SYCP1: variants seen among roughly 807,000 people sequenced by gnomAD.
SYCP1 encodes synaptonemal complex protein 1.
SYCP1 carries 64 observed loss-of-function variants against 153.1 expected under a neutral mutation model. The ratio of observed to expected loss-of-function variants is 0.42; its 90% CI spans 0.34 to 0.51. The LOEUF (loss-of-function observed/expected upper bound fraction) is 0.51, where lower values mean the gene tolerates loss of function less well. SYCP1 is among the 20% of genes least tolerant of loss of function. SYCP1 has a pLI of 0.06. For missense variants in SYCP1, 997 were observed against 1,049.0 expected (o/e 0.95, Z 0.68); for synonymous variants, 384 against 341.8 (o/e 1.12, Z -1.36).
At chr1:114,947,649 T>C (rs1471797829) in intron 27 of SYCP1, among the ~76,000 whole-genome samples, 3 of 151,210 alleles carry the variant, frequency 2.0e-5, no homozygotes, top group Admixed American at 6.6e-5. Flanking sequence ...CTGTCTCTAC[T>C]AAAAATACAA....
At chr1:114,914,650 C>T (rs566795841) in intron 20 of SYCP1, among the ~76,000 whole-genome samples, 8 of 152,256 alleles carry the variant, frequency 5.3e-5, no homozygotes, top group Middle Eastern at 3.4e-3. Context: ...GGCATGCTAG[C>T]GCTTGGCTCT....
intron 16 of SYCP1, among the ~76,000 whole-genome samples, chr1:114,901,404 G>A (rs1347987258): frequency 6.6e-6 from 1 of 152,200 alleles, no homozygotes; most frequent in Non-Finnish European, 1.5e-5. Flanking sequence ...GCCAACTTTA[G>A]TTGGGCCAAG....
At chr1:114,855,942 A>G (rs1335417246) in intron 2 of SYCP1, among the ~76,000 whole-genome samples, 1 of 152,206 alleles carries the variant, frequency 6.6e-6, no homozygotes, top group African/African-American at 2.4e-5. Flanking sequence ...ATGCCTATAT[A>G]TGAATAATAA....
intron 27 of SYCP1, among the ~76,000 whole-genome samples, chr1:114,970,393 T>C (rs1672403221): frequency 6.6e-6 from 1 of 152,214 alleles, no homozygotes; most frequent in Non-Finnish European, 1.5e-5. Flanking sequence ...ATAATCGACC[T>C]TCTGAATTCT....
At chr1:114,935,113 A>T (rs186706750) in intron 23 of SYCP1, among the ~76,000 whole-genome samples, 1 of 152,348 alleles carries the variant, frequency 6.6e-6, no homozygotes, top group Admixed American at 6.5e-5. Context: ...CATTATTTTC[A>T]GCACCACACA....
At chr1:114,923,278 T>A (rs181210375) in intron 20 of SYCP1, among the ~76,000 whole-genome samples, 171 bp from the exon 21 acceptor site, 1 of 152,322 alleles carries the variant, frequency 6.6e-6, no homozygotes, top group African/African-American at 2.4e-5. Flanking sequence ...CTAGATGAAT[T>A]CCACATATTT....
intron 10 of SYCP1, 25 bp downstream of exon 10, chr1:114,876,163 TTTTATATTACTGTTTTGCTA>T (rs764886327): frequency 6.8e-7 from 1 of 1,462,952 alleles, no homozygotes. Context: ...CTTACTTAAT[TTTTATATTACTGTTTTGCTA>T]TTTATATTTT....
At chr1:114,867,564 G>A (rs913227523) in intron 8 of SYCP1, among the ~76,000 whole-genome samples, 1 of 151,894 alleles carries the variant, frequency 6.6e-6, no homozygotes, top group African/African-American at 2.4e-5. Flanking sequence ...ATTCATTGCT[G>A]GTGTATAGGA....
chr1:114,988,586 A>G (rs1437465422), intron 30 of SYCP1, among the ~76,000 whole-genome samples: 3 of 152,004 alleles, frequency 2.0e-5, no homozygotes, highest in African/African-American at 7.2e-5. Flanking sequence ...ATGAAGAAGA[A>G]ATTGAGATAT....
Position 114,883,341 on chromosome 1 carries a change from A to G in SYCP1, c.911-2194A>G, listed in dbSNP as rs116067463. 7.8e-3 allele frequency among the ~76,000 whole-genome samples: 1,195 copies of G among 152,290 alleles called. 22 individuals are homozygous for G. The highest frequency in any genetic ancestry group is 0.028 in the African/African-American group (1,147 of 41,552). On this transcript the variant is annotated intron_variant, in intron 12 of 31. Coordinates refer to ENST00000369522, the MANE Select transcript of SYCP1 (RefSeq NM_003176.4). ...TACTTATTTTTAAATTTCATAGCCA[A>G]TAATTCTAAAATATGAAATCTTTGT...
intron 29 of SYCP1, among the ~76,000 whole-genome samples, chr1:114,983,751 G>C (rs568285773): frequency 6.6e-6 from 1 of 151,986 alleles, no homozygotes; most frequent in Non-Finnish European, 1.5e-5. Flanking sequence ...GCACTCTCCA[G>C]GTGGCTGCAA....
At chr1:114,860,143 C>G (rs983559191) in intron 7 of SYCP1, among the ~76,000 whole-genome samples, 11 of 152,118 alleles carry the variant, frequency 7.2e-5, no homozygotes, top group Admixed American at 6.6e-4. Flanking sequence ...ACTTATAAAA[C>G]AGGACTTAAC....
intron 20 of SYCP1, among the ~76,000 whole-genome samples, chr1:114,921,584 C>A (rs1369669789): frequency 1.0e-4 from 15 of 149,652 alleles, no homozygotes; most frequent in Non-Finnish European, 1.9e-4. Context: ...GAGGCTGAGG[C>A]AGGAGAATTG....
upstream of SYCP1, among the ~76,000 whole-genome samples, chr1:114,854,332 C>T (rs2101225570): frequency 6.6e-6 from 1 of 152,248 alleles, no homozygotes; most frequent in South Asian, 2.1e-4. Flanking sequence ...CAGGGTCTCA[C>T]TACGTTGCCC....
At chr1:114,875,341 A>T (rs569911482) in intron 9 of SYCP1, among the ~76,000 whole-genome samples, 1 of 150,232 alleles carries the variant, frequency 6.7e-6, no homozygotes, top group African/African-American at 2.5e-5. Context: ...GCTCACTGCA[A>T]GCTCCGCCTC....
chr1:114,917,861 G>T (rs902588102), intron 20 of SYCP1, among the ~76,000 whole-genome samples: 6 of 151,736 alleles, frequency 4.0e-5, no homozygotes, highest in African/African-American at 1.5e-4. Flanking sequence ...AGTTTTTTGA[G>T]CCCCTTATAT....
intron 19 of SYCP1, 128 bp downstream of exon 19, chr1:114,913,278 A>G (rs933448516): frequency 7.0e-5 from 48 of 688,848 alleles, no homozygotes; most frequent in Non-Finnish European, 1.1e-4. Flanking sequence ...GTTTTAGCAG[A>G]AAAATATGCA....
At chr1:114,937,034 G>GA (rs1315705600) in intron 23 of SYCP1, among the ~76,000 whole-genome samples, 3 of 152,074 alleles carry the variant, frequency 2.0e-5, no homozygotes, top group Non-Finnish European at 4.4e-5. Flanking sequence ...CACAGAATTG[G>GA]AAAAAACTCC....
At chr1:114,988,535 A>T (rs1331689773) in intron 30 of SYCP1, among the ~76,000 whole-genome samples, 2 of 152,040 alleles carry the variant, frequency 1.3e-5, no homozygotes, top group Non-Finnish European at 2.9e-5. Context: ...GACCAAAATT[A>T]TCAACTGAGA....
Sources: gnomAD v4.1 joint callset for allele counts (sites outside exome capture counted in the v4.1 genomes callset) on GRCh38, gnomAD v4.1.1 for gene constraint, MANE v1.5 for transcripts, NCBI Gene and HGNC (gene_info 2026-07-23, HGNC 2026-07-21) for gene names.